Variants in TMOD1 observed in about 807,000 individuals in gnomAD.
The protein encoded by TMOD1 is tropomodulin-1.
Under a neutral mutation model 40.6 loss-of-function variants are expected in TMOD1, and 17 were observed. The observed-to-expected ratio is 0.42, with a 90% confidence interval of 0.29 to 0.63. The LOEUF (loss-of-function observed/expected upper bound fraction) is 0.63, where lower values mean the gene tolerates loss of function less well. Ranked by LOEUF, TMOD1 falls within the 20% of genes least tolerant of loss-of-function variation. TMOD1 has a pLI of 0.22. For synonymous variants in TMOD1, 181 were observed against 175.0 expected (o/e 1.03, Z -0.27); for missense variants, 391 against 447.6 (o/e 0.87, Z 1.14).
rs532994590 is a variant in TMOD1, at chr9:97,588,012, A to G, written c.871-3279A>G. Among the ~76,000 whole-genome samples, 39 of 152,322 alleles carry G rather than the reference A, an allele frequency of 2.6e-4. 1 individual carries two copies. In the South Asian group the frequency reaches 6.6e-3, roughly 26 times the overall value. ...TGTATCCATTCATCAGATGATGGAC[A>G]TTTGGGTTGTTTCTTCTTTTGGCTA... is the stretch of plus-strand genomic sequence containing the variant. On this transcript the variant is annotated intron_variant, in intron 8 of 9. Coordinates refer to ENST00000259365, the MANE Select transcript of TMOD1 (RefSeq NM_003275.4).
Position 97,562,911 on chromosome 9 carries a change from A to G in TMOD1, c.487+90A>G, listed in dbSNP as rs1830662952. On this transcript the variant is annotated intron_variant, in intron 5 of 9. Transcript: ENST00000259365. ...TCTGGCTCATTGCAGAAGTTTTAAC[A>G]TGTTATATAGCCAAATCTGTTCATC... 7 of 1,072,726 alleles carry G rather than the reference A, an allele frequency of 6.5e-6. No individual in the cohort carries two copies. In the East Asian group the frequency reaches 8.4e-5, roughly 13 times the overall value. 66.5% of individuals were successfully genotyped at this position (1,072,726 alleles called of 1,614,324 possible).
At chr9:97,546,432 G>A (rs1265070777) in intron 3 of TMOD1, 91 bp downstream of exon 3, 1 of 1,404,016 alleles carries the variant, frequency 7.1e-7, no homozygotes, top group East Asian at 2.4e-5. Flanking sequence ...CCTGTGTTGG[G>A]CCAAATGTGA....
In TMOD1 at chr9:97,579,373, A is replaced by G. The variant is rs144069959; in HGVS notation, c.870+10336A>G. Among the ~76,000 whole-genome samples the G allele has an allele frequency of 4.1e-3, 625 of 152,244 alleles. 8 individuals carry two copies. The highest frequency in any genetic ancestry group is 0.013 in the African/African-American group (536 of 41,552). ...TCATGGTCTACAGCAGCACTGTTCA[A>G]TAGAACTTCCTGTGATGATGGAACT... On this transcript the variant is annotated intron_variant, in intron 8 of 9. Coordinates refer to ENST00000259365, the MANE Select transcript of TMOD1 (RefSeq NM_003275.4).
At chr9:97,576,035 A>G (rs922321217) in intron 8 of TMOD1, among the ~76,000 whole-genome samples, 2 of 152,086 alleles carry the variant, frequency 1.3e-5, no homozygotes, top group Non-Finnish European at 2.9e-5. Flanking sequence ...CGTAACACGA[A>G]AAAACAGAAG....
chr9:97,504,219 A>G (rs1024262790), intron 1 of TMOD1, among the ~76,000 whole-genome samples: 3 of 152,218 alleles, frequency 2.0e-5, no homozygotes, highest in African/African-American at 7.2e-5. Context: ...GAGATGATTC[A>G]GGGCAAGCCC....
At chr9:97,575,075 A>G (rs1418415105) in intron 8 of TMOD1, among the ~76,000 whole-genome samples, 8 of 152,198 alleles carry the variant, frequency 5.3e-5, no homozygotes, top group Admixed American at 1.3e-4. Context: ...CACTGTGGAA[A>G]CTTTGTTCTT....
intron 6 of TMOD1, among the ~76,000 whole-genome samples, chr9:97,565,502 C>T (rs1002073963): frequency 2.6e-5 from 4 of 151,988 alleles, no homozygotes; most frequent in Admixed American, 6.6e-5. Context: ...GGAACATTGC[C>T]GATCATTGGG....
chr9:97,573,909 G>C (rs1416303924), intron 8 of TMOD1, among the ~76,000 whole-genome samples: 1 of 152,204 alleles, frequency 6.6e-6, no homozygotes, highest in African/African-American at 2.4e-5. Flanking sequence ...ACACTCAAGG[G>C]GAGAGAAATC....
chr9:97,558,901 A>G (rs1485995189), intron 4 of TMOD1, among the ~76,000 whole-genome samples: 1 of 152,234 alleles, frequency 6.6e-6, no homozygotes, highest in Non-Finnish European at 1.5e-5. Context: ...TGACCTATAC[A>G]GGGTTACCCA....
At chr9:97,534,731 G>A (rs1338631109) in intron 2 of TMOD1, among the ~76,000 whole-genome samples, 1 of 152,228 alleles carries the variant, frequency 6.6e-6, no homozygotes, top group East Asian at 1.9e-4. Context: ...AGGGCACCCA[G>A]TATCCTTAGG....
In TMOD1 at chr9:97,544,890, T is replaced by G. The variant is rs1587932856; in HGVS notation, c.121-1295T>G. Among the ~76,000 whole-genome samples, 4 of 151,288 alleles carry G rather than the reference T, an allele frequency of 2.6e-5. No homozygotes were observed. In the South Asian group the frequency reaches 8.3e-4, roughly 32 times the overall value. On this transcript the variant is annotated intron_variant, in intron 2 of 9. Transcript: ENST00000259365. ...CGGGCGTGGTGTCAGGCACCTGTAA[T>G]CCCAGCCACTCAGGAGGCTGAGGCA...
chr9:97,546,292 G>A lies in TMOD1; in HGVS notation c.228G>A (p.Lys76=), dbSNP rs1270525395. ...TGGATCACTTGGAAAAGCAAGCAAAGGAGTTTAAGGACCGAGAAGATCTGG... is the reference window on the plus strand; with the variant it reads ...TGGATCACTTGGAAAAGCAAGCAAAAGAGTTTAAGGACCGAGAAGATCTGG... ...ELLDHLEKQA[K]EFKDREDLVP... The change falls in exon 3 of 10, where the codon AAG becomes AAA. Residue 76 remains lysine (K), a synonymous_variant. Coordinates refer to ENST00000259365, the MANE Select transcript of TMOD1 (RefSeq NM_003275.4). The A allele has an allele frequency of 6.2e-7, 1 of 1,613,998 alleles. No individual in the cohort carries two copies.
At chr9:97,547,078 C>T in intron 3 of TMOD1, among the ~76,000 whole-genome samples, 1 of 152,138 alleles carries the variant, frequency 6.6e-6, no homozygotes, top group East Asian at 1.9e-4. Context: ...GCAGCTGCAG[C>T]TTCCCTTCCT....
At chr9:97,538,085 G>A (rs559944054) in intron 2 of TMOD1, among the ~76,000 whole-genome samples, 11 of 152,274 alleles carry the variant, frequency 7.2e-5, no homozygotes, top group South Asian at 2.1e-4. Flanking sequence ...TCAACAGTCC[G>A]CTGGAGCTGG....
chr9:97,521,155 G>A (rs920150317), intron 1 of TMOD1, among the ~76,000 whole-genome samples: 2 of 152,190 alleles, frequency 1.3e-5, no homozygotes, highest in African/African-American at 4.8e-5. Flanking sequence ...GAGGCAAAAA[G>A]CGTGTTTTCC....
At chr9:97,548,432 G>A (rs79258359) in intron 3 of TMOD1, among the ~76,000 whole-genome samples, 47 of 152,270 alleles carry the variant, frequency 3.1e-4, no homozygotes, top group African/African-American at 1.0e-3. Flanking sequence ...AAAGGATCGC[G>A]TGGTCAGAGG....
intron 2 of TMOD1, among the ~76,000 whole-genome samples, chr9:97,525,566 A>G (rs959933482): frequency 6.6e-6 from 1 of 152,230 alleles, no homozygotes; most frequent in Non-Finnish European, 1.5e-5. Flanking sequence ...TCATTTCTGA[A>G]AGGCCTAGGC....
chr9:97,555,413 A>G (rs1286930884), intron 4 of TMOD1: 1 of 1,373,070 alleles, frequency 7.3e-7, no homozygotes. Context: ...TTATCAAATG[A>G]CTGCCGGCGC....
At chr9:97,569,335 G>A (rs1035886942) in intron 8 of TMOD1, among the ~76,000 whole-genome samples, 13 of 152,180 alleles carry the variant, frequency 8.5e-5, no homozygotes, top group South Asian at 4.2e-4. Flanking sequence ...CCTTATATCC[G>A]GTAGAAGTCA....
Sources: gnomAD v4.1 joint callset for allele counts (sites outside exome capture counted in the v4.1 genomes callset) on GRCh38, gnomAD v4.1.1 for gene constraint, MANE v1.5 for transcripts, NCBI Gene and HGNC (gene_info 2026-07-23, HGNC 2026-07-21) for gene names.